The following BEND5 variants were observed in gnomAD, a reference collection of about 807,000 sequenced individuals.
The protein encoded by BEND5 is BEN domain containing 5.
A neutral mutation model predicts 43.9 loss-of-function variants in BEND5; 22 were observed. The observed-to-expected ratio is 0.50, with a 90% CI of 0.36 to 0.72. The LOEUF (loss-of-function observed/expected upper bound fraction) is 0.72, where lower values mean the gene tolerates loss of function less well. Among genes scored for constraint, BEND5 ranks in the 30% least tolerant of loss-of-function variants. BEND5 has a pLI of 0.00. For synonymous variants in BEND5, 228 were observed against 225.9 expected, an observed-to-expected ratio of 1.01 and a Z score of -0.08; for missense variants, 428 against 550.6, an observed-to-expected ratio of 0.78 and a Z score of 2.23.
intron 5 of BEND5, among the ~76,000 whole-genome samples, chr1:48,732,432 A>G (rs910395644): frequency 1.3e-5 from 2 of 152,234 alleles, no homozygotes; most frequent in Non-Finnish European, 2.9e-5. Flanking sequence ...AGATGCTCAT[A>G]AAGTTTAATT....
intron 3 of BEND5, among the ~76,000 whole-genome samples, chr1:48,751,545 T>A (rs533363409): frequency 1.6e-4 from 25 of 152,218 alleles, no homozygotes; most frequent in Admixed American, 1.3e-3. Flanking sequence ...TTGTTTTATA[T>A]ATGGAAAGTA....
At chr1:48,774,540 A>T (rs1468553821) in intron 1 of BEND5, among the ~76,000 whole-genome samples, 1 of 152,220 alleles carries the variant, frequency 6.6e-6, no homozygotes, top group African/African-American at 2.4e-5. Flanking sequence ...TTTTCAACTA[A>T]TTCAAACTGG....
intron 5 of BEND5, among the ~76,000 whole-genome samples, chr1:48,733,497 A>G (rs1209525995): frequency 6.6e-6 from 1 of 152,208 alleles, no homozygotes; most frequent in Non-Finnish European, 1.5e-5. Context: ...ATATTTGGAA[A>G]AAGTAAAAAA....
rs763897262 is a variant in BEND5 at position 48,762,656 on chromosome 1, G to GTGTGTGTGTA, written c.227-1187_227-1186insTACACACACA. 6.3e-3 allele frequency among the ~76,000 whole-genome samples: 868 copies of GTGTGTGTGTA among 138,638 alleles called. 7 individuals carry two copies. Among genetic ancestry groups the GTGTGTGTGTA allele is most frequent in the African/African-American group, 0.012 (457 of 37,430 alleles). The allele number at this position is 138,638 out of a possible 152,430, so 91.0% of individuals were successfully genotyped here. A position where few individuals can be genotyped will look rare whatever the true frequency, so the allele number is the denominator to read the frequency against. Reference sequence around the variant, plus strand: ...TGTGTGTGTGTGTGTGTGTGTGTGTGTGTATGTATTTGCATGTGTTAAACA... The same window carrying GTGTGTGTGTA: ...TGTGTGTGTGTGTGTGTGTGTGTGTGTGTGTGTGTATGTATGTATTTGCATGTGTTAAACA... On this transcript the variant is annotated intron_variant, in intron 1 of 5. Transcript: ENST00000371833.
At chr1:48,729,248 T>G (rs1647702207) in intron 5 of BEND5, among the ~76,000 whole-genome samples, 1 of 152,192 alleles carries the variant, frequency 6.6e-6, no homozygotes, top group Non-Finnish European at 1.5e-5. Flanking sequence ...AACACAGTGT[T>G]TGGCACAGTG....
chr1:48,768,302 T>C (rs1644632146), intron 1 of BEND5, among the ~76,000 whole-genome samples: 1 of 152,190 alleles, frequency 6.6e-6, no homozygotes, highest in African/African-American at 2.4e-5. Flanking sequence ...TATGACCTGT[T>C]GCCAAACTCC....
At chr1:48,771,573 C>T (rs1644835571) in intron 1 of BEND5, among the ~76,000 whole-genome samples, 1 of 152,220 alleles carries the variant, frequency 6.6e-6, no homozygotes, top group South Asian at 2.1e-4. Context: ...CAGGCAATTT[C>T]CAATCTTTGC....
intron 3 of BEND5, among the ~76,000 whole-genome samples, chr1:48,753,618 C>A (rs931376820): frequency 1.1e-4 from 17 of 152,160 alleles, no homozygotes; most frequent in African/African-American, 4.1e-4. Flanking sequence ...ATATGCAGGC[C>A]ACAATGGCTT....
intron 3 of BEND5, among the ~76,000 whole-genome samples, chr1:48,747,930 C>CT (rs1225486694): frequency 1.7e-4 from 26 of 151,752 alleles, no homozygotes; most frequent in South Asian, 8.4e-4. Flanking sequence ...TTCTTTCTTT[C>CT]TTTTTTTTAG....
intron 1 of BEND5, among the ~76,000 whole-genome samples, chr1:48,763,755 T>C (rs1644394960): frequency 6.6e-6 from 1 of 152,206 alleles, no homozygotes; most frequent in Non-Finnish European, 1.5e-5. Flanking sequence ...GGATGGAGAA[T>C]GAACCTCAGA....
chr1:48,760,035 A>C (rs1644171351), intron 2 of BEND5, among the ~76,000 whole-genome samples: 1 of 152,176 alleles, frequency 6.6e-6, no homozygotes, highest in Non-Finnish European at 1.5e-5. Context: ...GAAGGACTAC[A>C]CTTAGGGTCA....
chr1:48,731,018 A>G (rs1345019150), intron 5 of BEND5, among the ~76,000 whole-genome samples: 1 of 152,204 alleles, frequency 6.6e-6, no homozygotes, highest in Admixed American at 6.5e-5. Context: ...GTAAGGAACT[A>G]TTTTAAAATC....
chr1:48,770,534 T>A (rs1295640149), intron 1 of BEND5, among the ~76,000 whole-genome samples: 2 of 152,156 alleles, frequency 1.3e-5, no homozygotes, highest in Non-Finnish European at 2.9e-5. Context: ...CTCTGCACTC[T>A]CTCCCACTGT....
intron 4 of BEND5, among the ~76,000 whole-genome samples, chr1:48,740,735 C>A (rs1186060554): frequency 4.6e-5 from 7 of 152,108 alleles, no homozygotes; most frequent in Non-Finnish European, 8.8e-5. Flanking sequence ...GAGATTAAGG[C>A]CTCTGATCGT....
intron 5 of BEND5, among the ~76,000 whole-genome samples, chr1:48,732,097 G>A (rs1648229482): frequency 6.6e-6 from 1 of 152,144 alleles, no homozygotes; most frequent in South Asian, 2.1e-4. Flanking sequence ...GTTTAAGAGA[G>A]ATTTGGGGCC....
intron 3 of BEND5, among the ~76,000 whole-genome samples, chr1:48,750,858 GT>G (rs1423510028): frequency 6.6e-6 from 1 of 152,072 alleles, no homozygotes. Flanking sequence ...GAACTCTGGG[GT>G]TCCTTATAGG....
intron 3 of BEND5, among the ~76,000 whole-genome samples, chr1:48,743,573 A>G (rs1233612230): frequency 6.6e-6 from 1 of 152,248 alleles, no homozygotes; most frequent in Admixed American, 6.5e-5. Context: ...AAAGGCCCAC[A>G]TAATTTAACA....
chr1:48,761,382 C>G lies in BEND5; in HGVS notation c.315G>C (p.Glu105Asp). 5 of 1,551,868 alleles carry G rather than the reference C, an allele frequency of 3.2e-6. No individual in the cohort carries two copies. Among genetic ancestry groups the G allele is most frequent in the South Asian group, 1.2e-5 (1 of 84,054 alleles). The part of the protein sequence containing the change: ...LSLNHVEEDG[E>D]VKDYGEEDLQ... Reference sequence around the variant, plus strand: ...AATCTTCTTCCCCATAATCTTTAACCTCTCCATCTTCTTCTACATGATTAA... The same window carrying G: ...AATCTTCTTCCCCATAATCTTTAACGTCTCCATCTTCTTCTACATGATTAA... Residue 105 changes from glutamate to aspartate, a missense_variant, in exon 2 of 6, where the codon GAG becomes GAC. Around this residue, in one of 4 missense-constraint regions of BEND5, gnomAD observed 243 missense variants for 286.4 expected, o/e 0.85. Coordinates refer to ENST00000371833, the MANE Select transcript of BEND5 (RefSeq NM_024603.4).
intron 3 of BEND5, among the ~76,000 whole-genome samples, chr1:48,755,480 G>C (rs903680762): frequency 1.1e-4 from 17 of 152,216 alleles, no homozygotes; most frequent in Non-Finnish European, 2.1e-4. Context: ...AAATACTCAA[G>C]GATATGCCTC....
Sources: gnomAD v4.1 joint callset for allele counts (sites outside exome capture counted in the v4.1 genomes callset) on GRCh38, gnomAD v4.1.1 for gene constraint, gnomAD v4.1.1 regional missense constraint, MANE v1.5 for transcripts, NCBI Gene and HGNC (gene_info 2026-07-23, HGNC 2026-07-21) for gene names.